The following CYFIP1 variants were observed in gnomAD, a reference collection of about 807,000 sequenced individuals.
The protein encoded by CYFIP1 is cytoplasmic FMR1 interacting protein 1.
A neutral mutation model predicts 163.5 loss-of-function variants in CYFIP1; 58 were observed. The observed-to-expected ratio is 0.35, with a 90% confidence interval of 0.29 to 0.44. The LOEUF is 0.44. CYFIP1 is among the 20% of genes least tolerant of loss of function. CYFIP1 has a pLI of 1.00. For synonymous variants in CYFIP1, 663 were observed against 660.7 expected, an observed-to-expected ratio of 1.00 and a Z score of -0.05; for missense variants, 1,338 against 1,653.8, an observed-to-expected ratio of 0.81 and a Z score of 3.31.
At chr15:22,959,107 C>T (rs749506264) in intron 1 of CYFIP1, among the ~76,000 whole-genome samples, 10 of 152,108 alleles carry the variant, frequency 6.6e-5, no homozygotes, top group African/African-American at 1.2e-4. Flanking sequence ...CAGATGAGCT[C>T]GGGGAAGCTC....
rs1162898223 is a variant in CYFIP1 at position 22,867,152 on chromosome 15, T to C, written c.*2876A>G. On this transcript the variant is annotated 3_prime_UTR_variant, in exon 31 of 31. Coordinates refer to ENST00000617928, the MANE Select transcript of CYFIP1 (RefSeq NM_014608.6). ...CAGTTTTAAGTCTATGAAAATGCTT[T>C]ATTTTTTCATTGGTGATGAAAGTCT... The C allele has an allele frequency of 2.2e-6, 1 of 447,164 alleles. No homozygotes were observed. The highest frequency in any genetic ancestry group is 3.9e-6 in the Non-Finnish European group (1 of 255,896). The allele number at this position is 447,164 out of a possible 1,614,324, so 27.7% of individuals were successfully genotyped here.
intron 16 of CYFIP1, 178 bp from the exon 17 acceptor site, chr15:22,915,060 G>A (rs1790906487): frequency 1.9e-6 from 1 of 521,876 alleles, no homozygotes; most frequent in African/African-American, 2.0e-5. Context: ...AGGACCAGCT[G>A]GGCATAGCTG....
chr15:22,896,378 T>C (rs990860491), intron 22 of CYFIP1, among the ~76,000 whole-genome samples: 2 of 152,102 alleles, frequency 1.3e-5, no homozygotes, highest in African/African-American at 2.4e-5. Context: ...ATCGTTTTCA[T>C]CAAATCTGGG....
At chr15:22,879,843 C>T in intron 26 of CYFIP1, 70 bp downstream of exon 26, 1 of 1,264,708 alleles carries the variant, frequency 7.9e-7, no homozygotes. Context: ...CAAAGAAAGC[C>T]CTCCCCTGGC....
intron 1 of CYFIP1, among the ~76,000 whole-genome samples, chr15:22,969,718 G>A (rs1595731526): frequency 1.3e-5 from 2 of 152,256 alleles, no homozygotes; most frequent in South Asian, 2.1e-4. Flanking sequence ...GAGATTTACA[G>A]AGTAAACAGA....
In CYFIP1 at chr15:22,868,634, A is replaced by G. The variant is rs2059319619; in HGVS notation, c.*1394T>C. The G allele has an allele frequency of 6.6e-6, 1 of 151,946 alleles. No individual in the cohort carries two copies. The highest frequency in any genetic ancestry group is 2.1e-4 in the South Asian group (1 of 4,830). The allele number at this position is 151,946 out of a possible 1,614,324, so 9.4% of individuals were successfully genotyped here. ...AAAGAATAATTGTTTGTTAGGCTTC[A>G]TGTCACTTGAGTGAGTTTGGCAGTG... On this transcript the variant is annotated 3_prime_UTR_variant, in exon 31 of 31. Transcript: ENST00000617928.
intron 12 of CYFIP1, among the ~76,000 whole-genome samples, chr15:22,926,491 G>A (rs1468886479): frequency 6.6e-6 from 1 of 152,112 alleles, no homozygotes; most frequent in East Asian, 1.9e-4. Flanking sequence ...GAGCAATATA[G>A]TGAGGCCTCA....
chr15:22,884,147 T>A (rs1410679314), intron 23 of CYFIP1, among the ~76,000 whole-genome samples: 2 of 152,004 alleles, frequency 1.3e-5, no homozygotes, highest in Non-Finnish European at 2.9e-5. Flanking sequence ...CCAAACCTTA[T>A]CATTCTGCCC....
chr15:22,933,319 C>CTT (rs556709449), intron 10 of CYFIP1, among the ~76,000 whole-genome samples: 2 of 144,878 alleles, frequency 1.4e-5, no homozygotes, highest in African/African-American at 2.5e-5. Flanking sequence ...ATTTTTCTTT[C>CTT]TTTTTTTTTT....
intron 23 of CYFIP1, among the ~76,000 whole-genome samples, chr15:22,888,225 T>A (rs2059978581): frequency 6.6e-6 from 1 of 152,168 alleles, no homozygotes; most frequent in Non-Finnish European, 1.5e-5. Flanking sequence ...TGGATTCCTG[T>A]GTATTCCATA....
chr15:22,980,580 G>C (rs563786059), upstream of CYFIP1, among the ~76,000 whole-genome samples: 5 of 152,200 alleles, frequency 3.3e-5, no homozygotes, highest in East Asian at 9.7e-4. Context: ...GCCGGCCTGG[G>C]TCACCGCAGC....
At position 22,939,315 on chromosome 15, in the gene CYFIP1, C is replaced by T; in HGVS notation, c.672G>A (p.Leu224=). The T allele has an allele frequency of 6.2e-7, 1 of 1,614,140 alleles. No individual in the cohort carries two copies. The highest frequency in any genetic ancestry group is 8.5e-7 in the Non-Finnish European group (1 of 1,179,998). The change falls in exon 8 of 31, where the codon CTG becomes CTA. Residue 224 remains leucine, a synonymous_variant. Transcript: ENST00000617928. Reference sequence around the variant, plus strand: ...CAGAAATCACTTCGAGCTGCTGCTGCAGAGACTGAAACACAGAGCAAGAGA... The same window carrying T: ...CAGAAATCACTTCGAGCTGCTGCTGTAGAGACTGAAACACAGAGCAAGAGA... The part of the protein sequence containing the change: ...LANHNKITQS[L]QQQLEVISGY...
intron 13 of CYFIP1, among the ~76,000 whole-genome samples, chr15:22,923,563 A>G (rs1454287313): frequency 6.6e-6 from 1 of 152,184 alleles, no homozygotes; most frequent in African/African-American, 2.4e-5. Context: ...CTCAAAAGCT[A>G]AATGTGCTGT....
intron 13 of CYFIP1, among the ~76,000 whole-genome samples, chr15:22,923,883 C>T (rs1210382087): frequency 1.7e-5 from 2 of 119,468 alleles, no homozygotes; most frequent in South Asian, 5.5e-4. Context: ...ATTGAGGCTG[C>T]AATAAGCCAT....
chr15:22,902,972 C>T (rs1472928264), intron 22 of CYFIP1, among the ~76,000 whole-genome samples: 2 of 152,232 alleles, frequency 1.3e-5, no homozygotes, highest in African/African-American at 4.8e-5. Flanking sequence ...AATTCAGCCA[C>T]ATGTGGGTGG....
At chr15:22,946,685 T>C in intron 3 of CYFIP1, 1 of 464,984 alleles carries the variant, frequency 2.2e-6, no homozygotes, top group Non-Finnish European at 4.0e-6. Flanking sequence ...CATTTATAAA[T>C]CTAAATCTCA....
chr15:22,947,082 T>C lies in CYFIP1; in HGVS notation c.128A>G (p.Asn43Ser). ...TGCATTTCTGTCTTCAAAGTTAGTGTTGAAATTTGGCTGAAGGAAAGGAAG... is the reference window on the plus strand; with the variant it reads ...TGCATTTCTGTCTTCAAAGTTAGTGCTGAAATTTGGCTGAAGGAAAGGAAG... ...PSSLLYQPNFNTNFEDRNAFV... is the reference protein window; with the variant it reads ...PSSLLYQPNFSTNFEDRNAFV... Residue 43 changes from asparagine (N) to serine (S), a missense_variant, in exon 3 of 31, where the codon AAC (asparagine) becomes AGC (serine). Asn to Ser is a conservative substitution (Grantham distance 46). Around this residue, in one of 4 missense-constraint regions of CYFIP1, gnomAD observed 186 missense variants for 288.3 expected, o/e 0.65. Coordinates refer to ENST00000617928, the MANE Select transcript of CYFIP1 (RefSeq NM_014608.6). The C allele has an allele frequency of 1.2e-6, 2 of 1,614,040 alleles. No individual in the cohort carries two copies. The highest frequency in any genetic ancestry group is 1.3e-5 in the African/African-American group (1 of 75,004).
intron 22 of CYFIP1, among the ~76,000 whole-genome samples, chr15:22,897,740 T>A (rs945361001): frequency 1.3e-5 from 2 of 152,174 alleles, no homozygotes; most frequent in Admixed American, 1.3e-4. Context: ...TGTCTTGGCC[T>A]CCCAAAGTGC....
At chr15:22,947,393 C>T in intron 1 of CYFIP1, 102 bp from the exon 2 acceptor site, 1 of 1,491,492 alleles carries the variant, frequency 6.7e-7, no homozygotes, top group Non-Finnish European at 9.1e-7. Context: ...TCCCGCTCTC[C>T]CGAGGGCACC....
Sources: gnomAD v4.1 joint callset for allele counts (sites outside exome capture counted in the v4.1 genomes callset) on GRCh38, gnomAD v4.1.1 for gene constraint, gnomAD v4.1.1 regional missense constraint, MANE v1.5 for transcripts, NCBI Gene and HGNC (gene_info 2026-07-23, HGNC 2026-07-21) for gene names.